TSHZ2: variants seen among roughly 807,000 people sequenced by gnomAD.
TSHZ2 encodes the protein teashirt zinc finger homeobox 2.
A neutral mutation model predicts 74.4 loss-of-function variants in TSHZ2; 21 were observed. The ratio of observed to expected loss-of-function variants is 0.28; its 90% CI spans 0.20 to 0.41. TSHZ2 has a LOEUF of 0.41. Ranked by LOEUF, TSHZ2 falls within the 10% of genes least tolerant of loss-of-function variation. The pLI, the probability that TSHZ2 is intolerant of heterozygous loss-of-function variation, is 1.00. For missense variants in TSHZ2, 1,244 were observed against 1,293.5 expected, an observed-to-expected ratio of 0.96 and a Z score of 0.59; for synonymous variants, 540 against 515.3, an observed-to-expected ratio of 1.05 and a Z score of -0.65.
chr20:53,449,003 A>G (rs1984666674), intron 2 of TSHZ2, among the ~76,000 whole-genome samples: 1 of 152,198 alleles, frequency 6.6e-6, no homozygotes, highest in South Asian at 2.1e-4. Flanking sequence ...GTATATAATC[A>G]TCACCTATTT....
At chr20:53,386,053 C>T (rs1444049335) in intron 2 of TSHZ2, among the ~76,000 whole-genome samples, 2 of 152,212 alleles carry the variant, frequency 1.3e-5, no homozygotes, top group African/African-American at 4.8e-5. Flanking sequence ...GAGCCTGGCT[C>T]CTCCACTGGA....
At chr20:53,299,187 A>T (rs1341824953) in intron 2 of TSHZ2, among the ~76,000 whole-genome samples, 1 of 152,244 alleles carries the variant, frequency 6.6e-6, no homozygotes. Context: ...GTCTTATAGC[A>T]GCACTAGAAT....
chr20:53,383,896 G>C (rs1161322551), intron 2 of TSHZ2, among the ~76,000 whole-genome samples: 1 of 152,144 alleles, frequency 6.6e-6, no homozygotes, highest in Non-Finnish European at 1.5e-5. Flanking sequence ...ATGATTAACT[G>C]TTCCCTTAAT....
At chr20:53,050,124 TAC>T (rs376452454) in intron 1 of TSHZ2, among the ~76,000 whole-genome samples, 34 of 107,176 alleles carry the variant, frequency 3.2e-4, no homozygotes, top group South Asian at 1.4e-3. Context: ...TATATATATA[TAC>T]ACATATATAT....
At chr20:53,274,990 T>C (rs1233779362) in intron 2 of TSHZ2, among the ~76,000 whole-genome samples, 1 of 152,228 alleles carries the variant, frequency 6.6e-6, no homozygotes, top group Non-Finnish European at 1.5e-5. Context: ...TGGCCCCTGC[T>C]GGAGCTCAAG....
At chr20:53,138,244 C>T (rs6126762) in intron 1 of TSHZ2, among the ~76,000 whole-genome samples, 47 of 151,990 alleles carry the variant, frequency 3.1e-4, no homozygotes, top group African/African-American at 8.5e-4. Flanking sequence ...ATTAGCTGGG[C>T]GTGGTGGTGG....
chr20:53,319,785 A>C (rs1374620122), intron 2 of TSHZ2, among the ~76,000 whole-genome samples: 1 of 152,204 alleles, frequency 6.6e-6, no homozygotes, highest in East Asian at 1.9e-4. Context: ...AATGCAATGC[A>C]CTCACCCAAA....
chr20:53,146,329 G>C (rs1987539133), intron 1 of TSHZ2, among the ~76,000 whole-genome samples: 1 of 152,240 alleles, frequency 6.6e-6, no homozygotes, highest in South Asian at 2.1e-4. Context: ...TTCTTGGACT[G>C]TTTTGGCATT....
At position 53,305,229 on chromosome 20, in the gene TSHZ2, C is replaced by T. The variant is rs557615177; in HGVS notation, c.*8+48658C>T. On this transcript the variant is annotated intron_variant, in intron 2 of 2. Coordinates refer to ENST00000371497, the MANE Select transcript of TSHZ2 (RefSeq NM_173485.6). ...CTGGGATTACAGGCATGAGCCACCG[C>T]GCCTGGCCCTTAATGAACTCTTTAA... Among the ~76,000 whole-genome samples the T allele has an allele frequency of 4.6e-5, 7 of 152,308 alleles. No individual in the cohort carries two copies. The South Asian group carries it at 6.2e-4, about 14-fold the overall frequency.
chr20:53,011,981 C>A (rs191702525), intron 1 of TSHZ2, among the ~76,000 whole-genome samples: 1 of 152,244 alleles, frequency 6.6e-6, no homozygotes, highest in East Asian at 1.9e-4. Flanking sequence ...AAGGGAAGCA[C>A]AGAGAATTGA....
intron 1 of TSHZ2, among the ~76,000 whole-genome samples, chr20:53,205,900 T>C (rs1989156609): frequency 6.6e-6 from 1 of 152,204 alleles, no homozygotes; most frequent in African/African-American, 2.4e-5. Context: ...TTACATTCTT[T>C]AAGGCTTAGT....
rs879463307 is a variant in TSHZ2, at chr20:53,074,804, G to A, written c.40+101471G>A. Among the ~76,000 whole-genome samples the A allele has an allele frequency of 8.5e-5, 13 of 152,214 alleles. No homozygotes were observed. The highest frequency in any genetic ancestry group is 1.5e-4 in the Non-Finnish European group (10 of 68,038). On this transcript the variant is annotated intron_variant, in intron 1 of 2. Transcript: ENST00000371497. The surrounding 1 kb of genome is among the most constrained non-coding windows in gnomAD (Gnocchi z 5.9). ...CATGTGTATTACTCGTTTTTCAACA[G>A]AGATATGTATTGTTAGTCCCATTTA...
intron 1 of TSHZ2, among the ~76,000 whole-genome samples, chr20:53,204,062 T>G (rs954931995): frequency 6.8e-6 from 1 of 146,876 alleles, no homozygotes; most frequent in African/African-American, 2.5e-5. Flanking sequence ...TACTATTATA[T>G]CATATTATAT....
chr20:53,172,532 C>T (rs953534374), intron 1 of TSHZ2, among the ~76,000 whole-genome samples: 1 of 152,100 alleles, frequency 6.6e-6, no homozygotes, highest in Admixed American at 6.6e-5. Context: ...AAAAAGTTCC[C>T]AGACTTACAA....
chr20:53,131,824 C>A (rs78736334), intron 1 of TSHZ2, among the ~76,000 whole-genome samples: 5 of 45,540 alleles, frequency 1.1e-4, no homozygotes, highest in South Asian at 9.0e-4. Context: ...TGACAACCCC[C>A]CCCCCCCCCC....
chr20:52,987,986 T>A (rs2122904020), intron 1 of TSHZ2, among the ~76,000 whole-genome samples: 1 of 152,344 alleles, frequency 6.6e-6, no homozygotes, highest in East Asian at 1.9e-4. Flanking sequence ...TGTTTCATAT[T>A]TTTTCATACT....
At chr20:53,153,094 C>T (rs1052201816) in intron 1 of TSHZ2, among the ~76,000 whole-genome samples, 2 of 152,194 alleles carry the variant, frequency 1.3e-5, no homozygotes, top group African/African-American at 4.8e-5. Flanking sequence ...AATGAAATCA[C>T]CCATAACACA....
chr20:53,091,780 G>A lies in TSHZ2; in HGVS notation c.40+118447G>A, dbSNP rs191704860. On this transcript the variant is annotated intron_variant, in intron 1 of 2. Transcript: ENST00000371497. ...CTTCTGGTCAGCCTCAGTGGCTCAC[G>A]CCTGTAATCCCAGTACTTTGGGAGG... is the stretch of plus-strand genomic sequence containing the variant. Among the ~76,000 whole-genome samples, 5 of 152,242 alleles carry A rather than the reference G, an allele frequency of 3.3e-5. No homozygotes were observed. The East Asian group carries it at 5.8e-4, about 18-fold the overall frequency.
At chr20:53,414,682 A>G (rs1983174823) in intron 2 of TSHZ2, among the ~76,000 whole-genome samples, 1 of 152,230 alleles carries the variant, frequency 6.6e-6, no homozygotes, top group Non-Finnish European at 1.5e-5. Flanking sequence ...ATTTAATTAA[A>G]AAATGAAAAG....
Sources: allele counts gnomAD v4.1 joint callset (sites outside exome capture counted in the v4.1 genomes callset), GRCh38; gene constraint gnomAD v4.1.1; non-coding constraint Gnocchi (gnomAD v3.1); transcripts MANE v1.5; gene names NCBI Gene and HGNC (gene_info 2026-07-23, HGNC 2026-07-21).